The following AMBRA1 variants were observed in gnomAD, a reference collection of about 807,000 sequenced individuals.
AMBRA1 encodes the protein activating molecule in BECN1-regulated autophagy protein 1.
In AMBRA1, 47 loss-of-function variants were observed where a neutral mutation model predicts 125.4. That is an observed-to-expected ratio of 0.37 (90% CI 0.30 to 0.48). AMBRA1 has a LOEUF of 0.48. Among genes scored for constraint, AMBRA1 ranks in the 20% least tolerant of loss-of-function variants. The pLI is 0.99. For synonymous variants in AMBRA1, 626 were observed against 655.5 expected (o/e 0.95, Z 0.69); for missense variants, 1,331 against 1,693.4 (o/e 0.79, Z 3.76).
intron 14 of AMBRA1, 69 bp downstream of exon 14, chr11:46,433,405 T>C: frequency 6.4e-7 from 1 of 1,559,996 alleles, no homozygotes; most frequent in South Asian, 1.2e-5. Flanking sequence ...GTCACACCAC[T>C]GTCCCCTCAT....
chr11:46,410,518 C>A, intron 15 of AMBRA1, 150 bp from the exon 16 acceptor site: 1 of 677,670 alleles, frequency 1.5e-6, no homozygotes, highest in Non-Finnish European at 2.7e-6. Flanking sequence ...AGAGCTGCTG[C>A]CTCATCAGGA....
At chr11:46,438,959 T>C (rs1457826768) in intron 12 of AMBRA1, among the ~76,000 whole-genome samples, 3 of 152,162 alleles carry the variant, frequency 2.0e-5, no homozygotes, top group African/African-American at 4.8e-5. Context: ...ATAAATCAAC[T>C]TGGTGGTTGC....
chr11:46,532,828 T>C (rs1952279520), intron 7 of AMBRA1, among the ~76,000 whole-genome samples: 1 of 152,368 alleles, frequency 6.6e-6, no homozygotes, highest in Non-Finnish European at 1.5e-5. Flanking sequence ...TTAGTAATAA[T>C]GAGTAGCATA....
intron 12 of AMBRA1, among the ~76,000 whole-genome samples, chr11:46,435,976 G>GCC (rs1947695507): frequency 6.6e-6 from 1 of 152,188 alleles, no homozygotes; most frequent in Non-Finnish European, 1.5e-5. Flanking sequence ...GAACAAGAGT[G>GCC]CCCACATCAT....
At chr11:46,523,361 C>T (rs1565249913) in intron 7 of AMBRA1, among the ~76,000 whole-genome samples, 1 of 152,110 alleles carries the variant, frequency 6.6e-6, no homozygotes, top group Non-Finnish European at 1.5e-5. Flanking sequence ...TTCCCTCTGT[C>T]TAGACAACAT....
At chr11:46,514,413 G>A (rs977600742) in intron 7 of AMBRA1, among the ~76,000 whole-genome samples, 1 of 152,126 alleles carries the variant, frequency 6.6e-6, no homozygotes, top group African/African-American at 2.4e-5. Context: ...TTAGACACTT[G>A]TAACAATCCT....
At position 46,434,957 on chromosome 11, in the gene AMBRA1, C is replaced by A. The variant is rs1947649678; in HGVS notation, c.2713G>T (p.Ala905Ser). 1.2e-6 allele frequency: 2 copies of A among 1,613,924 alleles called. No individual in the cohort carries two copies. Among genetic ancestry groups the A allele is most frequent in the Non-Finnish European group, 1.7e-6 (2 of 1,179,946 alleles). Residue 905 changes from alanine (A) to serine (S), a missense_variant, in exon 13 of 18, where the codon GCA (alanine) becomes TCA (serine). This residue lies in a region of AMBRA1 where 354 missense variants were observed against 532.7 expected (regional missense o/e 0.66). Transcript: ENST00000683756. ...CTCTGGCTGCTGGGGATGAAAGCTG[C>A]CAGGAGCTGGCCATCTGCAGAAATG... ...CDISADGQLL[A>S]AFIPSSQRGF...
chr11:46,493,454 C>G (rs12578042), intron 11 of AMBRA1, among the ~76,000 whole-genome samples, 154 bp downstream of exon 11: 39,226 of 152,140 alleles, frequency 0.26, 7,086 homozygotes, highest in African/African-American at 0.52. Flanking sequence ...TTCCTGCCTT[C>G]AAGTAAGGAA....
intron 11 of AMBRA1, among the ~76,000 whole-genome samples, chr11:46,453,638 T>C (rs1450014731): frequency 6.6e-6 from 1 of 152,192 alleles, no homozygotes; most frequent in African/African-American, 2.4e-5. Context: ...GTATTATCTA[T>C]AGCTGAAATA....
At chr11:46,571,102 C>T (rs537553249) in intron 1 of AMBRA1, among the ~76,000 whole-genome samples, 29 of 152,266 alleles carry the variant, frequency 1.9e-4, no homozygotes, top group African/African-American at 7.0e-4. Flanking sequence ...CTCACATTTG[C>T]CTCCTTACAA....
intron 9 of AMBRA1, among the ~76,000 whole-genome samples, chr11:46,499,984 C>T (rs1950774349): frequency 6.6e-6 from 1 of 152,084 alleles, no homozygotes; most frequent in Non-Finnish European, 1.5e-5. Flanking sequence ...TAGTTAACTC[C>T]AACAAAGATC....
At chr11:46,550,566 T>C (rs1168764051) in intron 1 of AMBRA1, among the ~76,000 whole-genome samples, 2 of 152,204 alleles carry the variant, frequency 1.3e-5, no homozygotes, top group African/African-American at 4.8e-5. Flanking sequence ...ACTTTTTTAA[T>C]GGGGGGAGAT....
chr11:46,548,480 G>A lies in AMBRA1; in HGVS notation c.-100C>T, dbSNP rs1350476483. 2.8e-5 allele frequency: 41 copies of A among 1,442,138 alleles called. 1 individual carries two copies. The East Asian group carries it at 9.3e-4, about 33-fold the overall frequency. The allele number at this position is 1,442,138 out of a possible 1,614,324, so 89.3% of individuals were successfully genotyped here. On this transcript the variant is annotated 5_prime_UTR_variant, in exon 2 of 18. Coordinates refer to ENST00000683756, the MANE Select transcript of AMBRA1 (RefSeq NM_001387011.1). Reference sequence around the variant, plus strand: ...CTAAAATGAGGCCATACAGGTCCTTGTAAGTTGTCCTCATGGAAATCTTAA... The same window carrying A: ...CTAAAATGAGGCCATACAGGTCCTTATAAGTTGTCCTCATGGAAATCTTAA...
chr11:46,552,122 A>G (rs2043020272), intron 1 of AMBRA1, among the ~76,000 whole-genome samples: 1 of 151,740 alleles, frequency 6.6e-6, no homozygotes, highest in Non-Finnish European at 1.5e-5. Context: ...TAATCCCAGC[A>G]CTTTGGAAGG....
chr11:46,560,255 A>G (rs2043288389), intron 1 of AMBRA1, among the ~76,000 whole-genome samples: 1 of 152,242 alleles, frequency 6.6e-6, no homozygotes, highest in Admixed American at 6.5e-5. Flanking sequence ...AGTTTTTTAT[A>G]TATAAACTCA....
At chr11:46,570,023 A>G (rs2043698831) in intron 1 of AMBRA1, among the ~76,000 whole-genome samples, 1 of 151,504 alleles carries the variant, frequency 6.6e-6, no homozygotes, top group African/African-American at 2.4e-5. Flanking sequence ...GCACTTTGGG[A>G]GGCCAAAGCA....
intron 12 of AMBRA1, among the ~76,000 whole-genome samples, chr11:46,437,845 C>T (rs1481488610): frequency 6.6e-6 from 1 of 152,014 alleles, no homozygotes; most frequent in African/African-American, 2.4e-5. Flanking sequence ...AAAATATAGC[C>T]GAAGACACCG....
At chr11:46,511,697 A>G (rs545329141) in intron 8 of AMBRA1, among the ~76,000 whole-genome samples, 2 of 152,364 alleles carry the variant, frequency 1.3e-5, no homozygotes, top group African/African-American at 2.4e-5. Flanking sequence ...GAATCCGTAA[A>G]TCTGGCTGTG....
chr11:46,478,648 C>CTTTTTTTT (rs11449187), intron 11 of AMBRA1, among the ~76,000 whole-genome samples: 53 of 82,116 alleles, frequency 6.5e-4, no homozygotes, highest in Admixed American at 1.3e-3. Flanking sequence ...TCTTTTTTCT[C>CTTTTTTTT]TTTTTTTTTT....
Sources: gnomAD v4.1 joint callset for allele counts (sites outside exome capture counted in the v4.1 genomes callset) on GRCh38, gnomAD v4.1.1 for gene constraint, gnomAD v4.1.1 regional missense constraint, MANE v1.5 for transcripts, NCBI Gene and HGNC (gene_info 2026-07-23, HGNC 2026-07-21) for gene names.